The following NRXN3 variants were observed in gnomAD, a reference collection of about 807,000 sequenced individuals.
NRXN3 encodes the protein neurexin 3.
In NRXN3, 32 loss-of-function variants were observed where a neutral mutation model predicts 137.6. That is an observed-to-expected ratio of 0.23 (90% CI 0.18 to 0.31). NRXN3 has a LOEUF of 0.31. Ranked by LOEUF, NRXN3 falls within the 10% of genes least tolerant of loss-of-function variation. The pLI is 1.00. For missense variants in NRXN3, 1,574 were observed against 2,062.5 expected (o/e 0.76, Z 4.59); for synonymous variants, 798 against 784.5 (o/e 1.02, Z -0.29).
chr14:79,004,144 G>A (rs572289488), intron 15 of NRXN3, among the ~76,000 whole-genome samples: 28 of 152,124 alleles, frequency 1.8e-4, no homozygotes, highest in African/African-American at 6.7e-4. Context: ...GATTGCCAAG[G>A]GTCCTCACAC....
At chr14:79,029,179 A>G (rs1010120795) in intron 15 of NRXN3, among the ~76,000 whole-genome samples, 6 of 152,104 alleles carry the variant, frequency 3.9e-5, no homozygotes, top group East Asian at 1.9e-4. Context: ...GAAATATGGT[A>G]TATCAGTTAT....
At chr14:79,165,265 A>G (rs761574823) in intron 15 of NRXN3, among the ~76,000 whole-genome samples, 69 of 151,990 alleles carry the variant, frequency 4.5e-4, no homozygotes, top group Non-Finnish European at 8.8e-4. Context: ...ATAGCATAAT[A>G]ATTAATTCAA....
chr14:78,608,079 A>G (rs748786769), intron 4 of NRXN3, among the ~76,000 whole-genome samples: 3 of 152,224 alleles, frequency 2.0e-5, no homozygotes, highest in Admixed American at 6.5e-5. Context: ...TATTAAGAAA[A>G]CAATATTAAG....
intron 19 of NRXN3, among the ~76,000 whole-genome samples, chr14:79,745,083 G>A (rs2098975503): frequency 6.6e-6 from 1 of 150,616 alleles, no homozygotes; most frequent in Admixed American, 6.6e-5. Context: ...AAAAAGTTCA[G>A]AGCGAAAAGA....
intron 10 of NRXN3, among the ~76,000 whole-genome samples, chr14:78,937,898 G>T (rs2099345241): frequency 6.6e-6 from 1 of 152,206 alleles, no homozygotes; most frequent in South Asian, 2.1e-4. Flanking sequence ...TATTTCTAGG[G>T]AAAGTTGCCT....
chr14:78,914,490 C>T (rs769181282), intron 10 of NRXN3, among the ~76,000 whole-genome samples: 2 of 151,996 alleles, frequency 1.3e-5, no homozygotes, highest in Non-Finnish European at 2.9e-5. Context: ...ACTACTTTAA[C>T]GAATGATGTA....
intron 10 of NRXN3, among the ~76,000 whole-genome samples, chr14:78,950,618 GGAAGGAAGGAAGAAAAAAGAAGGAAA>G (rs1367303681): frequency 6.6e-6 from 1 of 150,500 alleles, no homozygotes; most frequent in Admixed American, 6.6e-5. Flanking sequence ...AGGGAGGGAA[GGAAGGAAGGAAGAAAAAAGAAGGAAA>G]GAAGGAAGGA....
At chr14:78,493,384 A>G (rs534085851) in intron 4 of NRXN3, among the ~76,000 whole-genome samples, 1 of 151,354 alleles carries the variant, frequency 6.6e-6, no homozygotes, top group Non-Finnish European at 1.5e-5. Context: ...TTAGCCAGGC[A>G]TGGTGGCACG....
chr14:78,551,737 C>A (rs375074905), intron 4 of NRXN3, among the ~76,000 whole-genome samples: 1 of 148,786 alleles, frequency 6.7e-6, no homozygotes, highest in African/African-American at 2.5e-5. Flanking sequence ...TCTCCTCTTT[C>A]ATCTCCCTTT....
At chr14:79,668,694 G>A (rs1326736322) in intron 17 of NRXN3, among the ~76,000 whole-genome samples, 2 of 152,038 alleles carry the variant, frequency 1.3e-5, no homozygotes, top group East Asian at 3.9e-4. Flanking sequence ...CTTTGCTGTT[G>A]GTGTGTAAGG....
intron 4 of NRXN3, among the ~76,000 whole-genome samples, chr14:78,397,091 T>G (rs1289045399): frequency 6.6e-6 from 1 of 152,198 alleles, no homozygotes; most frequent in African/African-American, 2.4e-5. Flanking sequence ...CTTCAACATA[T>G]GAATTTTAGG....
chr14:79,756,460 T>C (rs1437897886), intron 19 of NRXN3, among the ~76,000 whole-genome samples: 2 of 152,200 alleles, frequency 1.3e-5, no homozygotes, highest in Non-Finnish European at 2.9e-5. Context: ...TAAAAATCAA[T>C]TGAATATGGA....
rs1567235843 is a variant in NRXN3, at chr14:78,314,978, CCTTCCTTCCTTTCTCTT to C, written c.757+17119_757+17135del. ...TCCTTCCTTCCTTCCTTCCTTCCTT[CCTTCCTTCCTTTCTCTT>C]TCTTTCTTTCTTTCTTTTCTTTTTA... On this transcript the variant is annotated intron_variant, in intron 4 of 20. Coordinates refer to ENST00000335750, the MANE Select transcript of NRXN3 (RefSeq NM_001330195.2). Among the ~76,000 whole-genome samples, 26 of 93,514 alleles carry C rather than the reference CCTTCCTTCCTTTCTCTT, an allele frequency of 2.8e-4. 1 individual carries two copies. Among genetic ancestry groups the C allele is most frequent in the African/African-American group, 1.2e-3 (22 of 18,770 alleles). The allele number at this position is 93,514 out of a possible 152,430, so 61.3% of individuals were successfully genotyped here. A position where few individuals can be genotyped will look rare whatever the true frequency, so the allele number is the denominator to read the frequency against.
intron 19 of NRXN3, among the ~76,000 whole-genome samples, chr14:79,700,982 C>T (rs981347866): frequency 6.6e-6 from 1 of 152,068 alleles, no homozygotes; most frequent in African/African-American, 2.4e-5. Context: ...AGGCCTGGCA[C>T]TTCATAGGTG....
At chr14:79,061,219 A>G (rs1312646292) in intron 15 of NRXN3, among the ~76,000 whole-genome samples, 1 of 152,212 alleles carries the variant, frequency 6.6e-6, no homozygotes, top group Admixed American at 6.5e-5. Context: ...CTTTGTTCAT[A>G]TGAAACTATA....
chr14:79,357,739 A>T (rs1173641033), intron 15 of NRXN3, among the ~76,000 whole-genome samples: 1 of 152,222 alleles, frequency 6.6e-6, no homozygotes, highest in Non-Finnish European at 1.5e-5. Flanking sequence ...TACCTTTAGA[A>T]GGATTCAGAA....
intron 4 of NRXN3, among the ~76,000 whole-genome samples, chr14:78,476,607 A>G (rs1261585370): frequency 6.6e-6 from 1 of 152,218 alleles, no homozygotes; most frequent in Non-Finnish European, 1.5e-5. Context: ...CTTTCTTTCC[A>G]TTTAAATATT....
chr14:78,738,014 A>G (rs537763866), intron 8 of NRXN3, among the ~76,000 whole-genome samples: 1 of 152,306 alleles, frequency 6.6e-6, no homozygotes, highest in African/African-American at 2.4e-5. Context: ...ATCGGGCTAA[A>G]AAAGTTAATG....
At chr14:79,154,859 T>C (rs752078360) in intron 15 of NRXN3, among the ~76,000 whole-genome samples, 1 of 151,968 alleles carries the variant, frequency 6.6e-6, no homozygotes, top group Non-Finnish European at 1.5e-5. Flanking sequence ...GTAAAACTTC[T>C]TAATTCTTGT....
Sources: allele counts gnomAD v4.1 joint callset (sites outside exome capture counted in the v4.1 genomes callset), GRCh38; gene constraint gnomAD v4.1.1; transcripts MANE v1.5; gene names NCBI Gene and HGNC (gene_info 2026-07-23, HGNC 2026-07-21).